The following SERINC1 variants were observed in gnomAD, a reference collection of about 807,000 sequenced individuals.
SERINC1 encodes the protein serine incorporator 1.
In SERINC1, 38 loss-of-function variants were observed where a neutral mutation model predicts 52.9. The observed-to-expected ratio is 0.72, with a 90% confidence interval of 0.55 to 0.94. SERINC1 has a LOEUF of 0.94. Ranked by LOEUF, SERINC1 falls within the 40% of genes least tolerant of loss-of-function variation. SERINC1 has a pLI of 0.00. For synonymous variants in SERINC1, 198 were observed against 183.1 expected (o/e 1.08, Z -0.66); for missense variants, 471 against 533.9 (o/e 0.88, Z 1.16).
At chr6:122,460,613 TA>T (rs1775085234) in intron 1 of SERINC1, among the ~76,000 whole-genome samples, 1 of 152,090 alleles carries the variant, frequency 6.6e-6, no homozygotes, top group Admixed American at 6.5e-5. Flanking sequence ...AAGTCAAAGA[TA>T]AAAGCCCAAG....
intron 2 of SERINC1, among the ~76,000 whole-genome samples, chr6:122,456,901 T>C (rs981229849): frequency 3.2e-4 from 49 of 152,326 alleles, no homozygotes; most frequent in African/African-American, 1.1e-3. Context: ...TTTTGAGTTA[T>C]AGATTTATCC....
chr6:122,463,422 C>T (rs1204357914), intron 1 of SERINC1, among the ~76,000 whole-genome samples: 6 of 152,026 alleles, frequency 3.9e-5, no homozygotes, highest in Non-Finnish European at 8.8e-5. Flanking sequence ...AAAAAGCAAG[C>T]CATAAACTTG....
chr6:122,451,776 A>AAAAAATAT, intron 6 of SERINC1, 22 bp from the exon 7 acceptor site: 189 of 112,626 alleles, frequency 1.7e-3, no homozygotes, highest in African/African-American at 4.7e-3. Context: ...AAAAAAAAAA[A>AAAAAATAT]ATATATATAT....
intron 7 of SERINC1, among the ~76,000 whole-genome samples, chr6:122,451,130 T>C (rs1774895290): frequency 2.0e-5 from 3 of 152,112 alleles, no homozygotes; most frequent in Admixed American, 2.0e-4. Context: ...CAAACTTCAT[T>C]GTGGTCTTAG....
Position 122,451,888 on chromosome 6 carries a change from T to G in SERINC1, c.759A>C (p.Gln253His), listed in dbSNP as rs766551818. Residue 253 changes from glutamine (Q) to histidine (H), a missense_variant and splice_region_variant, in exon 6 of 10, where the codon CAA becomes CAC. Transcript: ENST00000339697. ...AAAACTAATGCTTTAAAGGGCATAC[T>G]TGGATTTTTGGCAGTATAGACATTA... Reference protein sequence around the residue: ...ASVMSILPKIQESQPRSGLLQ... With the variant: ...ASVMSILPKIHESQPRSGLLQ... 2.0e-6 allele frequency: 3 copies of G among 1,518,814 alleles called. No homozygotes were observed. Among genetic ancestry groups the G allele is most frequent in the African/African-American group, 1.4e-5 (1 of 69,670 alleles). 94.1% of individuals were successfully genotyped at this position (1,518,814 alleles called of 1,614,324 possible).
Position 122,453,442 on chromosome 6 carries a change from AT to A in SERINC1, c.589+327del, listed in dbSNP as rs570221949. ...TCCTAGCAATCCTCTTCCCTTTAAT[AT>A]TTTGCTTTTAACCCATTGTAGGCTA... On this transcript the variant is annotated intron_variant, in intron 5 of 9. Coordinates refer to ENST00000339697, the MANE Select transcript of SERINC1 (RefSeq NM_020755.4). Among the ~76,000 whole-genome samples, 228 of 152,158 alleles carry A rather than the reference AT, an allele frequency of 1.5e-3. 3 individuals are homozygous for A. The highest frequency in any genetic ancestry group is 2.5e-3 in the Non-Finnish European group (168 of 68,000).
chr6:122,461,155 A>C (rs1352342857), intron 1 of SERINC1, among the ~76,000 whole-genome samples: 1 of 152,110 alleles, frequency 6.6e-6, no homozygotes. Flanking sequence ...TAATTGCCCA[A>C]ATTTTTCCAA....
At chr6:122,456,000 A>G (rs1774986489) in intron 3 of SERINC1, among the ~76,000 whole-genome samples, 1 of 152,164 alleles carries the variant, frequency 6.6e-6, no homozygotes, top group Non-Finnish European at 1.5e-5. Context: ...ATATAACTAG[A>G]TAAGCAACAG....
Position 122,451,723 on chromosome 6 carries a change from G to T in SERINC1, c.791C>A (p.Ser264Tyr). The change falls in exon 7 of 10, where the codon TCT becomes TAT. Residue 264 changes from serine (S) to tyrosine (Y), a missense_variant. Transcript: ENST00000339697. ...ESQPRSGLLQSSVITVYTMYL... is the reference protein window; with the variant it reads ...ESQPRSGLLQYSVITVYTMYL... ...CATTGTGTAGACTGTAATTACTGAA[G>T]ACTGTAACAAACCAGATCTTGGTTG... 7 of 925,132 alleles carry T rather than the reference G, an allele frequency of 7.6e-6. No individual in the cohort carries two copies. Among genetic ancestry groups the T allele is most frequent in the South Asian group, 3.0e-5 (1 of 32,936 alleles). The allele number at this position is 925,132 out of a possible 1,614,324, so 57.3% of individuals were successfully genotyped here.
chr6:122,466,056 T>C (rs1349259197), intron 1 of SERINC1, among the ~76,000 whole-genome samples: 1 of 151,860 alleles, frequency 6.6e-6, no homozygotes, highest in Non-Finnish European at 1.5e-5. Flanking sequence ...GCCAACATGG[T>C]GAAACAGTCT....
At chr6:122,451,849 G>A in intron 6 of SERINC1, 39 bp downstream of exon 6, 1 of 1,370,344 alleles carries the variant, frequency 7.3e-7, no homozygotes, top group Non-Finnish European at 9.5e-7. Flanking sequence ...ACTTAAAAAG[G>A]TATAAGCTTC....
intron 2 of SERINC1, among the ~76,000 whole-genome samples, chr6:122,457,374 C>T (rs971993739): frequency 1.3e-5 from 2 of 152,198 alleles, no homozygotes; most frequent in Non-Finnish European, 2.9e-5. Flanking sequence ...TTTCAACATT[C>T]AATTTCTATC....
intron 5 of SERINC1, among the ~76,000 whole-genome samples, chr6:122,453,013 A>G (rs886473539): frequency 3.9e-5 from 6 of 152,320 alleles, no homozygotes; most frequent in African/African-American, 1.2e-4. Context: ...TTTGAAAAAC[A>G]TTAGAAAAAT....
Position 122,444,568 on chromosome 6 carries a change from C to A in SERINC1, c.*476G>T, listed in dbSNP as rs1034773791. ...TGTAAATTCCGTATCAAGGGTAAAA[C>A]CTTATAAGATTTTTCAGACAACTGG... On this transcript the variant is annotated 3_prime_UTR_variant, in exon 10 of 10. Coordinates refer to ENST00000339697, the MANE Select transcript of SERINC1 (RefSeq NM_020755.4). 3 of 154,462 alleles carry A rather than the reference C, an allele frequency of 1.9e-5. No individual in the cohort carries two copies. Among genetic ancestry groups the A allele is most frequent in the African/African-American group, 7.2e-5 (3 of 41,452 alleles). 9.6% of individuals were successfully genotyped at this position (154,462 alleles called of 1,614,324 possible). A position where few individuals can be genotyped will look rare whatever the true frequency, so the allele number is the denominator to read the frequency against.
chr6:122,448,564 C>T (rs1456304913), intron 7 of SERINC1, among the ~76,000 whole-genome samples: 1 of 152,012 alleles, frequency 6.6e-6, no homozygotes, highest in Non-Finnish European at 1.5e-5. Flanking sequence ...TAATAAGATG[C>T]ATTACAAAGC....
chr6:122,447,599 A>G (rs1260714927), intron 7 of SERINC1, among the ~76,000 whole-genome samples: 1 of 152,212 alleles, frequency 6.6e-6, no homozygotes, highest in African/African-American at 2.4e-5. Context: ...GTAGATTTAG[A>G]AAGAAAATTC....
intron 7 of SERINC1, among the ~76,000 whole-genome samples, chr6:122,448,679 T>G (rs1179660449): frequency 1.3e-5 from 2 of 151,766 alleles, no homozygotes; most frequent in African/African-American, 4.8e-5. Flanking sequence ...ATTTGAAGAG[T>G]TTTTCTTTCT....
Position 122,444,934 on chromosome 6 carries a change from A to G in SERINC1, c.*110T>C. ...AGTAAAATCTAATTCATGCCAGAACACTGGAGAAGTTACATGGGAAGCAAA... is the reference window on the plus strand; with the variant it reads ...AGTAAAATCTAATTCATGCCAGAACGCTGGAGAAGTTACATGGGAAGCAAA... On this transcript the variant is annotated 3_prime_UTR_variant, in exon 10 of 10. Coordinates refer to ENST00000339697, the MANE Select transcript of SERINC1 (RefSeq NM_020755.4). 1 of 992,168 alleles carries G rather than the reference A, an allele frequency of 1.0e-6. No individual in the cohort carries two copies. The highest frequency in any genetic ancestry group is 1.5e-6 in the Non-Finnish European group (1 of 674,328). 61.5% of individuals were successfully genotyped at this position (992,168 alleles called of 1,614,324 possible).
intron 1 of SERINC1, among the ~76,000 whole-genome samples, chr6:122,471,315 C>T (rs1187173414): frequency 3.3e-5 from 5 of 151,896 alleles, no homozygotes; most frequent in East Asian, 2.0e-4. Context: ...GAGTGGGTAC[C>T]CCACCGAAGG....
Sources: gnomAD v4.1 joint callset for allele counts (sites outside exome capture counted in the v4.1 genomes callset) on GRCh38, gnomAD v4.1.1 for gene constraint, MANE v1.5 for transcripts, NCBI Gene and HGNC (gene_info 2026-07-23, HGNC 2026-07-21) for gene names.